LIME1: variants seen among roughly 807,000 people sequenced by gnomAD.
LIME1 encodes Lck interacting transmembrane adaptor 1, also known as lck-interacting transmembrane adapter 1.
In LIME1, 23 loss-of-function variants were observed where a neutral mutation model predicts 18.8. The observed-to-expected ratio is 1.22, with a 90% CI of 0.88 to 1.73. LIME1 has a LOEUF of 1.73. LIME1 is among the 40% of genes most tolerant of loss of function. LIME1 has a pLI of 0.00. For missense variants in LIME1, 423 were observed against 396.8 expected (o/e 1.07, Z -0.56); for synonymous variants, 177 against 182.3 (o/e 0.97, Z 0.23).
At chr20:63,737,045 C>G (rs2091997978) in intron 1 of LIME1, 1 of 986,852 alleles carries the variant, frequency 1.0e-6, no homozygotes, top group East Asian at 1.1e-4. Flanking sequence ...CAGCCTCCAG[C>G]TCCTCCGGGT....
chr20:63,738,019 C>G lies in LIME1; in HGVS notation c.227C>G (p.Thr76Ser), dbSNP rs1171683083. ...CTCTGCTCCCTCAGCAAGTCGGACA[C>G]CAGACTGCACGAGCTGCACCGGGGC... The part of the protein sequence containing the change: ...THLCSLSKSD[T>S]RLHELHRGPR... The change falls in exon 4 of 6, where the codon ACC becomes AGC. Residue 76 changes from threonine (T) to serine (S), a missense_variant. Transcript: ENST00000309546. 1.9e-6 allele frequency: 3 copies of G among 1,566,306 alleles called. No homozygotes were observed. The highest frequency in any genetic ancestry group is 1.7e-6 in the Non-Finnish European group (2 of 1,160,382).
At chr20:63,737,931 G>T (rs368916123) in intron 3 of LIME1, 29 bp downstream of exon 3, 2 of 1,576,994 alleles carry the variant, frequency 1.3e-6, no homozygotes, top group East Asian at 4.6e-5. Flanking sequence ...CGGGGACCAG[G>T]GTGGGGTCCG....
At position 63,738,982 on chromosome 20, in the gene LIME1, C is replaced by T; in HGVS notation, c.*82C>T. The T allele has an allele frequency of 7.5e-7, 1 of 1,332,300 alleles. No homozygotes were observed. The highest frequency in any genetic ancestry group is 1.0e-6 in the Non-Finnish European group (1 of 995,882). 82.5% of individuals were successfully genotyped at this position (1,332,300 alleles called of 1,614,324 possible). A position where few individuals can be genotyped will look rare whatever the true frequency, so the allele number is the denominator to read the frequency against. ...CGCCTCACAGCTGACAGCGCCAGTC[C>T]CAGGTCCCCGGGCTGCCAGCCCGTG... is the stretch of plus-strand genomic sequence containing the variant. On this transcript the variant is annotated 3_prime_UTR_variant, in exon 6 of 6. Coordinates refer to ENST00000309546, the MANE Select transcript of LIME1 (RefSeq NM_017806.4).
intron 2 of LIME1, 33 bp from the exon 3 acceptor site, chr20:63,737,788 C>CG: frequency 2.1e-5 from 20 of 973,898 alleles, no homozygotes; most frequent in Non-Finnish European, 2.4e-5. Context: ...AGGCTGACGA[C>CG]CCCGCCCCCC....
Position 63,737,508 on chromosome 20 carries a change from C to A in LIME1, c.-17-25C>A, listed in dbSNP as rs2092004361. Reference sequence around the variant, plus strand: ...GCGCCAGGTCCCCTTGGCCAGCCCCCAGCGCCCCTTTCTTCTGTCCCCAGG... The same window carrying A: ...GCGCCAGGTCCCCTTGGCCAGCCCCAAGCGCCCCTTTCTTCTGTCCCCAGG... On this transcript the variant is annotated intron_variant, in intron 1 of 5. Transcript: ENST00000309546. 7 of 1,454,272 alleles carry A rather than the reference C, an allele frequency of 4.8e-6. No homozygotes were observed. The South Asian group carries it at 9.9e-5, about 21-fold the overall frequency. The allele number at this position is 1,454,272 out of a possible 1,614,324, so 90.1% of individuals were successfully genotyped here.
In LIME1 at chr20:63,738,213, G is replaced by A; in HGVS notation, c.299G>A (p.Arg100His). 2 of 1,589,592 alleles carry A rather than the reference G, an allele frequency of 1.3e-6. No homozygotes were observed. ...CGGCCTGCCAGCATGGATCTCCTGCGCCCACACTGGCTGGAGGTGTCCAGG... is the reference window on the plus strand; with the variant it reads ...CGGCCTGCCAGCATGGATCTCCTGCACCCACACTGGCTGGAGGTGTCCAGG... ...ALRPASMDLL[R>H]PHWLEVSRDI... Residue 100 changes from arginine (R) to histidine (H), a missense_variant, in exon 5 of 6, where the codon CGC becomes CAC. Transcript: ENST00000309546.
intron 4 of LIME1, 41 bp downstream of exon 4, chr20:63,738,101 C>T (rs566864132): frequency 5.9e-6 from 9 of 1,519,640 alleles, no homozygotes; most frequent in East Asian, 2.5e-5. Context: ...GCGGGGCTTA[C>T]TGTGCAGCGC....
upstream of LIME1, chr20:63,735,987 T>TG: frequency 6.4e-7 from 1 of 1,558,756 alleles, no homozygotes; most frequent in Non-Finnish European, 8.7e-7. Context: ...AGACCAGTGT[T>TG]GCCCGAGGAG....
At chr20:63,735,988 G>C, upstream of LIME1, 1 of 1,556,774 alleles carries the variant, frequency 6.4e-7, no homozygotes, top group Non-Finnish European at 8.7e-7. Context: ...GACCAGTGTT[G>C]CCCGAGGAGG....
Position 63,738,714 on chromosome 20 carries a change from C to T in LIME1, c.702C>T (p.Ala234=). ...GAILALAGDL[A]YQTLPLRALD... Reference sequence around the variant, plus strand: ...TTCTGGCCCTGGCGGGTGACCTGGCCTACCAGACCCTCCCGCTCAGGGCCC... The same window carrying T: ...TTCTGGCCCTGGCGGGTGACCTGGCTTACCAGACCCTCCCGCTCAGGGCCC... The change falls in exon 6 of 6, where the codon GCC becomes GCT. Residue 234 remains alanine (A), a synonymous_variant. Transcript: ENST00000309546. 1 of 1,612,940 alleles carries T rather than the reference C, an allele frequency of 6.2e-7. No individual in the cohort carries two copies. Among genetic ancestry groups the T allele is most frequent in the East Asian group, 2.2e-5 (1 of 44,878 alleles).
At chr20:63,737,377 G>C (rs2092002301) in intron 1 of LIME1, 156 bp from the exon 2 acceptor site, 1 of 1,343,150 alleles carries the variant, frequency 7.4e-7, no homozygotes. Context: ...ACCTCTGGGA[G>C]GGAGGGACTG....
upstream of LIME1, chr20:63,736,597 G>T: frequency 1.0e-6 from 1 of 987,008 alleles, no homozygotes; most frequent in East Asian, 1.1e-4. Flanking sequence ...GAGGCTCAGG[G>T]GAGGCGCTTG....
Position 63,738,836 on chromosome 20 carries a change from C to T in LIME1, c.824C>T (p.Pro275Leu), listed in dbSNP as rs560250558. Reference protein sequence around the residue: ...GRSSTCGAGTPPASSCPSLGR... With the variant: ...GRSSTCGAGTLPASSCPSLGR... ...AGCAGCACGTGCGGGGCTGGGACGC[C>T]CCCTGCTTCCAGCTGCCCCAGCCTA... Residue 275 changes from proline (P) to leucine (L), a missense_variant, in exon 6 of 6, where the codon CCC becomes CTC. Pro to Leu is a moderately conservative substitution (Grantham distance 98, BLOSUM62 -3). Coordinates refer to ENST00000309546, the MANE Select transcript of LIME1 (RefSeq NM_017806.4). 3 of 1,611,262 alleles carry T rather than the reference C, an allele frequency of 1.9e-6. No homozygotes were observed. In the African/African-American group the frequency reaches 4.0e-5, roughly 21 times the overall value.
chr20:63,735,831 G>A (rs144585689), upstream of LIME1: 16 of 1,612,098 alleles, frequency 9.9e-6, no homozygotes, highest in Middle Eastern at 1.6e-4. Flanking sequence ...GGAGCCCAGC[G>A]CCAGCTGGGG....
Position 63,738,515 on chromosome 20 carries a change from G to T in LIME1, c.585+16G>T, listed in dbSNP as rs571836738. 1.3e-6 allele frequency: 2 copies of T among 1,511,002 alleles called. No homozygotes were observed. The highest frequency in any genetic ancestry group is 1.4e-5 in the African/African-American group (1 of 72,082). The allele number at this position is 1,511,002 out of a possible 1,614,324, so 93.6% of individuals were successfully genotyped here. ...GGCCGCTCAGGTAACGTGGGCCAGG[G>T]TAGGGCGCTGTGGGTGGGGCCGGCA... On this transcript the variant is annotated intron_variant, in intron 5 of 5. Coordinates refer to ENST00000309546, the MANE Select transcript of LIME1 (RefSeq NM_017806.4).
At chr20:63,736,059 C>T (rs968213339), upstream of LIME1, 13 of 1,244,122 alleles carry the variant, frequency 1.0e-5, no homozygotes, top group Non-Finnish European at 1.3e-5. Flanking sequence ...CTGCGGGGTC[C>T]CATCTGGACA....
At chr20:63,736,541 C>T (rs888102113), upstream of LIME1, 7 of 864,072 alleles carry the variant, frequency 8.1e-6, no homozygotes, top group African/African-American at 9.1e-5. Context: ...TCGGGCGGGG[C>T]GCAGCAGGTG....
chr20:63,737,481 T>C (rs1463346336), intron 1 of LIME1, 52 bp from the exon 2 acceptor site: 2 of 1,405,256 alleles, frequency 1.4e-6, no homozygotes, highest in East Asian at 2.9e-5. Context: ...GGCTGCCAGG[T>C]GGCGCCAGGT....
chr20:63,737,555 G>A lies in LIME1; in HGVS notation c.6G>A (p.Gly2=). 1 of 1,580,128 alleles carries A rather than the reference G, an allele frequency of 6.3e-7. No individual in the cohort carries two copies. Among genetic ancestry groups the A allele is most frequent in the Admixed American group, 1.8e-5 (1 of 55,372 alleles). ...CAGGGCCTCGGCTTCACAGGATGGG[G>A]CTGCCAGTGTCCTGGGCCCCTCCTG... M[G]LPVSWAPPAL... is the part of the protein sequence containing the mutation. Residue 2 remains glycine, a synonymous_variant, in exon 2 of 6, where the codon GGG becomes GGA. Transcript: ENST00000309546.
Sources: gnomAD v4.1 joint callset for allele counts on GRCh38, gnomAD v4.1.1 for gene constraint, MANE v1.5 for transcripts, NCBI Gene and HGNC (gene_info 2026-07-23, HGNC 2026-07-21) for gene names.